Variants in PHLDB3 observed in about 807,000 individuals in gnomAD.
PHLDB3 encodes the protein pleckstrin homology-like domain family B member 3.
Under a neutral mutation model 85.7 loss-of-function variants are expected in PHLDB3, and 86 were observed. The observed-to-expected ratio is 1.00, with a 90% CI of 0.84 to 1.20. The LOEUF is 1.20. PHLDB3 is among the 50% of genes most tolerant of loss of function. PHLDB3 has a pLI of 0.00. For synonymous variants in PHLDB3, 376 were observed against 349.8 expected, an observed-to-expected ratio of 1.07 and a Z score of -0.83; for missense variants, 995 against 873.0, an observed-to-expected ratio of 1.14 and a Z score of -1.76.
chr19:43,490,421 C>T (rs1157214222), intron 9 of PHLDB3, among the ~76,000 whole-genome samples: 1 of 151,654 alleles, frequency 6.6e-6, no homozygotes, highest in Non-Finnish European at 1.5e-5. Context: ...ATTAGCCTGG[C>T]GCATGTCTGT....
intron 9 of PHLDB3, among the ~76,000 whole-genome samples, chr19:43,492,024 C>T (rs1325495975): frequency 5.4e-5 from 8 of 148,520 alleles, no homozygotes; most frequent in East Asian, 2.0e-4. Flanking sequence ...GGCATGATCT[C>T]GGCTCACTGC....
rs745472981 is a variant in PHLDB3 at position 43,486,808 on chromosome 19, G to T, written c.1312C>A (p.Gln438Lys). 1.3e-6 allele frequency: 2 copies of T among 1,593,610 alleles called. No individual in the cohort carries two copies. The highest frequency in any genetic ancestry group is 2.3e-5 in the South Asian group (2 of 87,834). The change falls in exon 11 of 16, where the codon CAG becomes AAG. Residue 438 changes from glutamine to lysine, a missense_variant. Gln to Lys is a moderately conservative substitution (Grantham distance 53, BLOSUM62 1). Transcript: ENST00000292140. ...TTCCCACGGCCACAGTTCAGCAGCT[G>T]GTAGAGGGGGTATCTGCCGGAGTCC... The part of the protein sequence containing the change: ...VGDSGRYPLY[Q>K]LLNCGRGNSC...
At chr19:43,492,058 C>T (rs183782567) in intron 9 of PHLDB3, among the ~76,000 whole-genome samples, 2 of 150,904 alleles carry the variant, frequency 1.3e-5, no homozygotes, top group African/African-American at 4.9e-5. Context: ...CGGGTTCAAG[C>T]GATTCTTCTG....
chr19:43,490,429 T>C (rs1404862132), intron 9 of PHLDB3, among the ~76,000 whole-genome samples: 1 of 151,976 alleles, frequency 6.6e-6, no homozygotes, highest in African/African-American at 2.4e-5. Flanking sequence ...GGCGCATGTC[T>C]GTAATCCCAG....
rs757119202 is a variant in PHLDB3, at chr19:43,478,054, G to A, written c.1781C>T (p.Ala594Val). ...GACATTGAGGGGCTTCACCTTGAAG[G>A]CACAGCGTAAGTGGTCATAATAGAC... The part of the protein sequence containing the change: ...EEVYYDHLRC[A>V]FKSPNPRLTF... The change falls in exon 15 of 16, where the codon GCC becomes GTC. Residue 594 changes from alanine (A) to valine (V), a missense_variant. Ala to Val is a moderately conservative substitution (Grantham distance 64). Coordinates refer to ENST00000292140, the MANE Select transcript of PHLDB3 (RefSeq NM_198850.4). The A allele has an allele frequency of 6.2e-7, 1 of 1,611,914 alleles. No individual in the cohort carries two copies. Among genetic ancestry groups the A allele is most frequent in the Non-Finnish European group, 8.5e-7 (1 of 1,178,172 alleles).
chr19:43,483,285 T>G (rs1568474328), intron 13 of PHLDB3, among the ~76,000 whole-genome samples: 1 of 152,044 alleles, frequency 6.6e-6, no homozygotes, highest in East Asian at 1.9e-4. Context: ...ATCATTCTTT[T>G]TTTTTTTTGA....
rs757531251 is a variant in PHLDB3, at chr19:43,504,022, G to C, written c.97C>G (p.Arg33Gly). 12 of 1,613,776 alleles carry C rather than the reference G, an allele frequency of 7.4e-6. No homozygotes were observed. In the East Asian group the frequency reaches 2.7e-4, roughly 36 times the overall value. The change falls in exon 2 of 16, where the codon CGG (arginine) becomes GGG (glycine). Residue 33 changes from arginine (R) to glycine (G), a missense_variant. By Grantham distance (125) the Arg-to-Gly change is moderately radical. Transcript: ENST00000292140. ...AGGACTTCGGATGCCTCCTGTTCCC[G>C]GGACTCCTCGGGATGGCCCTGGGGC... ...VQPQGHPEES[R>G]EQEASEVLAE...
At chr19:43,494,185 T>G (rs1971386138) in intron 9 of PHLDB3, among the ~76,000 whole-genome samples, 1 of 152,120 alleles carries the variant, frequency 6.6e-6, no homozygotes, top group African/African-American at 2.4e-5. Flanking sequence ...AATTTTTGTA[T>G]TTTTAGTAGA....
At chr19:43,501,617 C>T in intron 4 of PHLDB3, 117 bp downstream of exon 4, 1 of 1,491,854 alleles carries the variant, frequency 6.7e-7, no homozygotes, top group Non-Finnish European at 8.9e-7. Flanking sequence ...TCTCAGGAGC[C>T]CAAATGTCTT....
intron 9 of PHLDB3, among the ~76,000 whole-genome samples, chr19:43,494,482 C>T (rs935821661): frequency 2.0e-5 from 3 of 152,112 alleles, no homozygotes; most frequent in South Asian, 2.1e-4. Flanking sequence ...GTTCCCATTT[C>T]GCCAGGGCAG....
At chr19:43,503,662 G>A (rs1599968728) in intron 2 of PHLDB3, among the ~76,000 whole-genome samples, 3 of 151,940 alleles carry the variant, frequency 2.0e-5, no homozygotes, top group Non-Finnish European at 4.4e-5. Flanking sequence ...CCGTTCTTGG[G>A]GCCTCCCCGT....
At chr19:43,498,970 C>T (rs1971528806) in intron 4 of PHLDB3, among the ~76,000 whole-genome samples, 1 of 152,022 alleles carries the variant, frequency 6.6e-6, no homozygotes, top group East Asian at 1.9e-4. Flanking sequence ...GCTCGTCCAG[C>T]TCACGGGGGG....
At chr19:43,488,440 G>A (rs1971235978) in intron 9 of PHLDB3, among the ~76,000 whole-genome samples, 1 of 152,066 alleles carries the variant, frequency 6.6e-6, no homozygotes, top group Non-Finnish European at 1.5e-5. Flanking sequence ...CTGGGCGACA[G>A]AGTGACAGCC....
intron 9 of PHLDB3, among the ~76,000 whole-genome samples, chr19:43,492,082 A>G (rs1365341964): frequency 4.0e-5 from 6 of 150,534 alleles, no homozygotes; most frequent in Admixed American, 3.3e-4. Context: ...CAGCCTCCCA[A>G]GTAGCTGTGA....
At chr19:43,484,782 A>G (rs1971118458) in intron 13 of PHLDB3, among the ~76,000 whole-genome samples, 1 of 152,198 alleles carries the variant, frequency 6.6e-6, no homozygotes, top group Admixed American at 6.6e-5. Flanking sequence ...ATTTTGCTTT[A>G]AAATATTTCA....
chr19:43,477,643 C>T (rs1158093795), intron 15 of PHLDB3, among the ~76,000 whole-genome samples: 3 of 150,894 alleles, frequency 2.0e-5, no homozygotes, highest in Admixed American at 6.6e-5. Flanking sequence ...AGTGAAACCC[C>T]GTCTCTACTA....
chr19:43,502,342 A>G, intron 2 of PHLDB3, 59 bp from the exon 3 acceptor site: 1 of 1,487,582 alleles, frequency 6.7e-7, no homozygotes, highest in South Asian at 1.3e-5. Flanking sequence ...ATCACTAAGT[A>G]GGTCTGGTCC....
Position 43,475,153 on chromosome 19 carries a change from T to G in PHLDB3, c.*257A>C. The stretch of plus-strand genomic sequence containing the variant: ...TCGGTATCACAGGAGCACCAATAAA[T>G]AGTTTCTTCCCGCCCCTGCAATCTT... On this transcript the variant is annotated 3_prime_UTR_variant, in exon 16 of 16. Transcript: ENST00000292140. The G allele has an allele frequency of 2.2e-6, 1 of 447,748 alleles. No homozygotes were observed. Among genetic ancestry groups the G allele is most frequent in the Non-Finnish European group, 4.0e-6 (1 of 247,058 alleles). The allele number at this position is 447,748 out of a possible 1,614,324, so 27.7% of individuals were successfully genotyped here.
At position 43,501,818 on chromosome 19, in the gene PHLDB3, G is replaced by A. The variant is rs774989046; in HGVS notation, c.450C>T (p.Ala150=). ...GCAGCTGCTCCTCCTCCCGGCGAGC[G>A]GCCACTCGCTCCCCAGCCAGCTCAC... ...LRGELAGERV[A]ARREEEQLRE... is the part of the protein sequence containing the mutation. The change falls in exon 4 of 16, where the codon GCC becomes GCT. Residue 150 remains alanine (A), a synonymous_variant. Coordinates refer to ENST00000292140, the MANE Select transcript of PHLDB3 (RefSeq NM_198850.4). The A allele has an allele frequency of 8.2e-6, 13 of 1,588,770 alleles. No homozygotes were observed. The highest frequency in any genetic ancestry group is 1.1e-5 in the Non-Finnish European group (13 of 1,168,758).
Sources: gnomAD v4.1 joint callset for allele counts (sites outside exome capture counted in the v4.1 genomes callset) on GRCh38, gnomAD v4.1.1 for gene constraint, MANE v1.5 for transcripts, NCBI Gene and HGNC (gene_info 2026-07-23, HGNC 2026-07-21) for gene names.